Variants in AFG2A observed in about 807,000 individuals in gnomAD.
AFG2A encodes the protein ATPase family gene 2 protein homolog A.
At chr4:123,038,589 G>A in the AFG2A span, among the ~76,000 whole-genome samples, 1 of 151,902 alleles carries the variant, frequency 6.6e-6, no homozygotes, top group African/African-American at 2.4e-5. Context: ...CATAAAACTC[G>A]AGACCAATGC....
At chr4:123,174,373 A>G in the AFG2A span, among the ~76,000 whole-genome samples, 1 of 152,246 alleles carries the variant, frequency 6.6e-6, no homozygotes, top group Admixed American at 6.5e-5. Flanking sequence ...TGGGGCACAT[A>G]ACAACATAAA....
chr4:123,057,341 T>G, the AFG2A span: 1 of 1,515,580 alleles, frequency 6.6e-7, no homozygotes, highest in Non-Finnish European at 9.1e-7. Context: ...TGTTACATAA[T>G]AATAGCAATT....
At chr4:122,943,355 C>G in the AFG2A span, among the ~76,000 whole-genome samples, 1 of 152,210 alleles carries the variant, frequency 6.6e-6, no homozygotes, top group African/African-American at 2.4e-5. Context: ...ATAGTTAGCT[C>G]TTCGTGTTGA....
the AFG2A span, chr4:122,934,847 G>A: frequency 1.5e-6 from 2 of 1,353,544 alleles, no homozygotes; most frequent in East Asian, 2.4e-5. Context: ...TATTTTCTGA[G>A]TAGTAGGTAT....
chr4:123,191,675 C>T, the AFG2A span, among the ~76,000 whole-genome samples: 1 of 152,056 alleles, frequency 6.6e-6, no homozygotes, highest in Non-Finnish European at 1.5e-5. Flanking sequence ...TCTCTTCTAT[C>T]CTACCCATCA....
the AFG2A span, among the ~76,000 whole-genome samples, chr4:123,123,708 G>T: frequency 6.6e-6 from 1 of 151,992 alleles, no homozygotes. Flanking sequence ...AGCACTTTGG[G>T]AGGCCGAGAC....
At chr4:123,108,866 A>T in the AFG2A span, among the ~76,000 whole-genome samples, 1 of 151,368 alleles carries the variant, frequency 6.6e-6, no homozygotes, top group East Asian at 1.9e-4. Context: ...GGCTTAACGC[A>T]TTTTTTTTTA....
At chr4:123,100,901 C>A in the AFG2A span, among the ~76,000 whole-genome samples, 640 of 152,048 alleles carry the variant, frequency 4.2e-3, 2 homozygotes, top group Non-Finnish European at 6.0e-3. Flanking sequence ...CCCAGATATT[C>A]TTTTCTTTAA....
chr4:122,942,884 C>T, the AFG2A span, among the ~76,000 whole-genome samples: 36 of 151,372 alleles, frequency 2.4e-4, no homozygotes, highest in South Asian at 6.4e-3. Context: ...GCCTTCATTT[C>T]GTTATGTACC....
the AFG2A span, among the ~76,000 whole-genome samples, chr4:123,047,295 T>A: frequency 6.6e-6 from 1 of 152,192 alleles, no homozygotes; most frequent in Admixed American, 6.6e-5. Flanking sequence ...CCATTCTAAC[T>A]TGCATAAGAT....
the AFG2A span, among the ~76,000 whole-genome samples, chr4:122,928,326 A>G: frequency 6.6e-6 from 1 of 151,976 alleles, no homozygotes; most frequent in Admixed American, 6.6e-5. Flanking sequence ...TAAGCCTGGA[A>G]CCTTTCCTGG....
chr4:123,200,623 T>C, the AFG2A span, among the ~76,000 whole-genome samples: 1 of 152,190 alleles, frequency 6.6e-6, no homozygotes, highest in Non-Finnish European at 1.5e-5. Context: ...GCTCTTTTCA[T>C]TGTTTGAGTT....
the AFG2A span, among the ~76,000 whole-genome samples, chr4:122,973,010 A>G: frequency 6.6e-6 from 1 of 152,156 alleles, no homozygotes; most frequent in African/African-American, 2.4e-5. Flanking sequence ...TAAGGGAAGT[A>G]TGTTAAAACC....
the AFG2A span, among the ~76,000 whole-genome samples, chr4:123,170,570 G>C: frequency 6.6e-6 from 1 of 151,802 alleles, no homozygotes; most frequent in Admixed American, 6.6e-5. Flanking sequence ...AGTTTCTTTT[G>C]GTAACACTAA....
chr4:122,935,899 G>T, the AFG2A span: 5 of 1,491,210 alleles, frequency 3.4e-6, no homozygotes, highest in African/African-American at 4.2e-5. Context: ...CTAAAATGTG[G>T]TTTTTAAAAA....
chr4:123,189,707 G>A, the AFG2A span, among the ~76,000 whole-genome samples: 1 of 150,312 alleles, frequency 6.7e-6, no homozygotes, highest in South Asian at 2.1e-4. Context: ...TCTAATCTGT[G>A]AAAAGATGCC....
the AFG2A span, among the ~76,000 whole-genome samples, chr4:122,975,254 T>C: frequency 1.3e-5 from 2 of 151,828 alleles, no homozygotes; most frequent in African/African-American, 4.9e-5. Context: ...GAGAGGAACG[T>C]TGTGTCCTCA....
At chr4:122,947,149 T>G in the AFG2A span, 4 of 1,350,432 alleles carry the variant, frequency 3.0e-6, no homozygotes, top group Admixed American at 2.9e-5. Context: ...TGTTTCATCC[T>G]TGTCTATACA....
the AFG2A span, among the ~76,000 whole-genome samples, chr4:123,085,778 TTTC>T: frequency 0.1 from 15,733 of 152,150 alleles, 912 homozygotes; most frequent in Middle Eastern, 0.2. Flanking sequence ...TTCATTCCCA[TTTC>T]TTCTTCTCTT....
Sources: gnomAD v4.1 joint callset for allele counts (sites outside exome capture counted in the v4.1 genomes callset) on GRCh38, gnomAD v4.1.1 for gene constraint, MANE v1.5 for transcripts, NCBI Gene and HGNC (gene_info 2026-07-23, HGNC 2026-07-21) for gene names.